The following VPS52 variants were observed in gnomAD, a reference collection of about 807,000 sequenced individuals.
VPS52 encodes vacuolar protein sorting-associated protein 52 homolog.
A neutral mutation model predicts 98.7 loss-of-function variants in VPS52; 56 were observed. The observed-to-expected ratio is 0.57, with a 90% confidence interval of 0.46 to 0.71. The LOEUF is 0.71. Among genes scored for constraint, VPS52 ranks in the 30% least tolerant of loss-of-function variants. The pLI is 0.00. For synonymous variants in VPS52, 348 were observed against 346.4 expected, an observed-to-expected ratio of 1.00 and a Z score of -0.05; for missense variants, 742 against 925.9, an observed-to-expected ratio of 0.80 and a Z score of 2.58.
At chr6:33,269,706 T>C (rs111767463) in intron 4 of VPS52, 38 bp downstream of exon 4, 4 of 1,603,150 alleles carry the variant, frequency 2.5e-6, no homozygotes, top group Non-Finnish European at 3.4e-6. Flanking sequence ...AAAATCCCCA[T>C]GTCAATAGCA....
rs1764516230 is a variant in VPS52 at position 33,267,758 on chromosome 6, G to A, written c.934-19C>T. 1 of 1,612,826 alleles carries A rather than the reference G, an allele frequency of 6.2e-7. No homozygotes were observed. The highest frequency in any genetic ancestry group is 1.3e-5 in the African/African-American group (1 of 74,884). ...CCTCATACTAAGGAAAGAGAAAAGA[G>A]AACTGATAACCGTCTCTTCCCACAA... On this transcript the variant is annotated intron_variant, in intron 9 of 19. Coordinates refer to ENST00000445902, the MANE Select transcript of VPS52 (RefSeq NM_022553.6). The surrounding 1 kb of genome is among the most constrained non-coding windows in gnomAD (Gnocchi z 4.2).
chr6:33,256,463 C>CAAAAAAAAAAAAAAAAAAAAAAAAAA (rs9280385), intron 17 of VPS52, among the ~76,000 whole-genome samples: 1 of 83,746 alleles, frequency 1.2e-5, no homozygotes, highest in Non-Finnish European at 2.3e-5. Context: ...AAACCTGTCT[C>CAAAAAAAAAAAAAAAAAAAAAAAAAA]AAAAAAAAAA....
At chr6:33,251,485 GGATCT>G in intron 19 of VPS52, 28 bp downstream of exon 19, 1 of 1,343,904 alleles carries the variant, frequency 7.4e-7, no homozygotes, top group Non-Finnish European at 1.1e-6. Flanking sequence ...TAATGATGGG[GGATCT>G]GAGTGGGGCC....
At position 33,268,384 on chromosome 6, in the gene VPS52, G is replaced by T; in HGVS notation, c.699+115C>A. 1 of 1,412,448 alleles carries T rather than the reference G, an allele frequency of 7.1e-7. No individual in the cohort carries two copies. The highest frequency in any genetic ancestry group is 9.7e-7 in the Non-Finnish European group (1 of 1,036,218). 87.5% of individuals were successfully genotyped at this position (1,412,448 alleles called of 1,614,324 possible). ...ACAAGAATGGGGCTGCCCAGAAAAG[G>T]CAGGGTGAAGTCCCTGGAGACAGGC... On this transcript the variant is annotated intron_variant, in intron 7 of 19. Transcript: ENST00000445902. The surrounding 1 kb of genome is among the most constrained non-coding windows in gnomAD (Gnocchi z 4.0).
In VPS52 at chr6:33,251,633, C is replaced by G; in HGVS notation, c.1910G>C (p.Arg637Pro). The change falls in exon 19 of 20, where the codon CGG becomes CCG. Residue 637 changes from arginine to proline, a missense_variant. Coordinates refer to ENST00000445902, the MANE Select transcript of VPS52 (RefSeq NM_022553.6). ...QAERLRGEEARVTQLIRGFGS... is the reference protein window; with the variant it reads ...QAERLRGEEAPVTQLIRGFGS... ...AAAGCCACGGATCAGCTGAGTTACC[C>G]GGGCTAATAGCAGGAGGAAACAGTG... The G allele has an allele frequency of 6.2e-7, 1 of 1,611,282 alleles. No homozygotes were observed.
intron 17 of VPS52, among the ~76,000 whole-genome samples, chr6:33,255,945 T>G (rs1762896569): frequency 6.6e-6 from 1 of 152,082 alleles, no homozygotes; most frequent in African/African-American, 2.4e-5. Context: ...CCAGCAACAA[T>G]TCTTTCAAAA....
rs1471518090 is a variant in VPS52 at position 33,267,467 on chromosome 6, G to A, written c.992-146C>T. ...CCCCACGTGCTGACATCTGTGAATG[G>A]GCTTCAGGGTGTCTCTCCCTCCCTT... On this transcript the variant is annotated intron_variant, in intron 10 of 19. Coordinates refer to ENST00000445902, the MANE Select transcript of VPS52 (RefSeq NM_022553.6). This position sits in a 1 kb window ranked among gnomAD's most constrained non-coding sequence, Gnocchi z 4.2. 1.5e-4 allele frequency: 195 copies of A among 1,332,610 alleles called. No individual in the cohort carries two copies. Among genetic ancestry groups the A allele is most frequent in the Non-Finnish European group, 1.8e-4 (176 of 976,242 alleles). 82.5% of individuals were successfully genotyped at this position (1,332,610 alleles called of 1,614,324 possible). A position where few individuals can be genotyped will look rare whatever the true frequency, so the allele number is the denominator to read the frequency against.
chr6:33,269,589 T>C, intron 4 of VPS52, 32 bp from the exon 5 acceptor site: 1 of 1,599,454 alleles, frequency 6.3e-7, no homozygotes, highest in Non-Finnish European at 8.5e-7. Context: ...GGCCTCATGG[T>C]GAAGATGGGA....
intron 17 of VPS52, among the ~76,000 whole-genome samples, chr6:33,257,740 G>C (rs1337075425): frequency 3.9e-5 from 6 of 152,220 alleles, no homozygotes; most frequent in Non-Finnish European, 2.9e-5. Context: ...AGGCGTGGTA[G>C]ATGGTGGCTG....
Position 33,268,617 on chromosome 6 carries a change from C to T in VPS52, c.581G>A (p.Arg194Lys), listed in dbSNP as rs901172952. The T allele has an allele frequency of 1.2e-6, 2 of 1,609,020 alleles. No individual in the cohort carries two copies. The highest frequency in any genetic ancestry group is 2.7e-5 in the African/African-American group (2 of 74,902). Residue 194 changes from arginine (R) to lysine (K), a missense_variant, in exon 7 of 20, where the codon AGG (arginine) becomes AAG (lysine). Coordinates refer to ENST00000445902, the MANE Select transcript of VPS52 (RefSeq NM_022553.6). The surrounding 1 kb of genome is among the most constrained non-coding windows in gnomAD (Gnocchi z 4.0). ...CAGCTCCTGTAGCTGCTCCAAGAAC[C>T]TGGGCTCTGTCACTGGAGCCTCCAG... ...AILEAPVTEP[R>K]FLEQLQELDA...
intron 17 of VPS52, among the ~76,000 whole-genome samples, chr6:33,256,658 C>T (rs62405748): frequency 1.6e-4 from 24 of 151,056 alleles, no homozygotes; most frequent in Admixed American, 4.6e-4. Context: ...CTAGCCAACA[C>T]GGTGAAACCC....
chr6:33,254,572 C>T (rs1762706625), intron 17 of VPS52: 2 of 152,136 alleles, frequency 1.3e-5, no homozygotes, highest in African/African-American at 4.8e-5. Context: ...GTGATGACCC[C>T]TGCTAGGCAG....
rs959071902 is a variant in VPS52, at chr6:33,271,641, C to A, written c.35G>T (p.Arg12Leu). ...AAAATMAAAARELVLRAGTSD... is the reference protein window; with the variant it reads ...AAAATMAAAALELVLRAGTSD... ...GGTCCCAGCCCGCAACACCAGTTCC[C>A]GGGCCGCAGCCGCCATGGTCGCAGC... The change falls in exon 1 of 20, where the codon CGG (arginine) becomes CTG (leucine). Residue 12 changes from arginine (R) to leucine (L), a missense_variant. Around this residue, in one of 2 missense-constraint regions of VPS52, gnomAD observed 152 missense variants for 132.6 expected, o/e 1.15. Transcript: ENST00000445902. 6.8e-6 allele frequency: 11 copies of A among 1,610,718 alleles called. No individual in the cohort carries two copies. The highest frequency in any genetic ancestry group is 1.1e-5 in the South Asian group (1 of 90,692).
At chr6:33,263,410 CACACAG>C in intron 17 of VPS52, 68 bp downstream of exon 17, 2 of 1,368,848 alleles carry the variant, frequency 1.5e-6, no homozygotes, top group Admixed American at 1.8e-5. Context: ...CACACACACA[CACACAG>C]AGAGAGAGAG....
chr6:33,256,966 T>A (rs945299910), intron 17 of VPS52, among the ~76,000 whole-genome samples: 2 of 151,978 alleles, frequency 1.3e-5, no homozygotes, highest in Non-Finnish European at 2.9e-5. Context: ...AAAAATTAAT[T>A]CCAAGTAAAT....
chr6:33,255,421 C>G (rs1762813268), intron 17 of VPS52, among the ~76,000 whole-genome samples: 1 of 151,192 alleles, frequency 6.6e-6, no homozygotes, highest in African/African-American at 2.4e-5. Context: ...GCCTCAGCCT[C>G]CCAAGCAGCT....
intron 14 of VPS52, 99 bp from the exon 15 acceptor site, chr6:33,264,202 T>A: frequency 6.5e-7 from 1 of 1,544,212 alleles, no homozygotes; most frequent in Non-Finnish European, 8.9e-7. Flanking sequence ...GATGTGACTC[T>A]ACCTTCAGTC....
In VPS52 at chr6:33,268,784, G is replaced by T; in HGVS notation, c.549-135C>A. On this transcript the variant is annotated intron_variant, in intron 6 of 19. Coordinates refer to ENST00000445902, the MANE Select transcript of VPS52 (RefSeq NM_022553.6). This position sits in a 1 kb window ranked among gnomAD's most constrained non-coding sequence, Gnocchi z 4.0. ...ATTGTACCATATAGTCAGGACACAT[G>T]TACAAAGTTTTCTATTCCTGGACCT... 8.1e-7 allele frequency: 1 copy of T among 1,229,294 alleles called. No homozygotes were observed. The highest frequency in any genetic ancestry group is 1.1e-6 in the Non-Finnish European group (1 of 908,878). 76.1% of individuals were successfully genotyped at this position (1,229,294 alleles called of 1,614,324 possible).
rs764855250 is a variant in VPS52 at position 33,269,043 on chromosome 6, A to G, written c.519T>C (p.Asp173=). The G allele has an allele frequency of 6.2e-7, 1 of 1,612,670 alleles. No homozygotes were observed. The highest frequency in any genetic ancestry group is 8.5e-7 in the Non-Finnish European group (1 of 1,179,902). ...AVRGKLGELV[D]GLVVPSALVT... ...CCAGAGCAGAAGGCACCACCAGACC[A>G]TCAACAAGCTCCCCAAGTTTCCCCC... Residue 173 remains aspartate (D), a synonymous_variant, in exon 6 of 20, where the codon GAT becomes GAC. Transcript: ENST00000445902.
Sources: gnomAD v4.1 joint callset for allele counts (sites outside exome capture counted in the v4.1 genomes callset) on GRCh38, gnomAD v4.1.1 for gene constraint, gnomAD v4.1.1 regional missense constraint, Gnocchi (gnomAD v3.1) non-coding constraint, MANE v1.5 for transcripts, NCBI Gene and HGNC (gene_info 2026-07-23, HGNC 2026-07-21) for gene names.